Variants in NRXN1 observed in about 807,000 individuals in gnomAD.
NRXN1 encodes the protein neurexin-1.
A neutral mutation model predicts 150.9 loss-of-function variants in NRXN1; 39 were observed. The observed-to-expected ratio is 0.26, with a 90% CI of 0.20 to 0.34. The LOEUF (loss-of-function observed/expected upper bound fraction) is 0.34, where lower values mean the gene tolerates loss of function less well. Among genes scored for constraint, NRXN1 ranks in the 10% least tolerant of loss-of-function variants. NRXN1 has a pLI of 1.00. For synonymous variants in NRXN1, 924 were observed against 757.0 expected (o/e 1.22, Z -3.62); for missense variants, 1,815 against 1,949.9 (o/e 0.93, Z 1.30).
chr2:50,487,138 A>G (rs1349117140), intron 15 of NRXN1, among the ~76,000 whole-genome samples: 2 of 152,118 alleles, frequency 1.3e-5, no homozygotes, highest in Non-Finnish European at 1.5e-5. Context: ...AATTAAAGAG[A>G]AAATATATGT....
At chr2:50,186,830 A>G (rs995124893) in intron 18 of NRXN1, among the ~76,000 whole-genome samples, 4 of 152,074 alleles carry the variant, frequency 2.6e-5, no homozygotes, top group Admixed American at 6.6e-5. Context: ...AAGATACACA[A>G]TCTTTTAAAA....
intron 17 of NRXN1, among the ~76,000 whole-genome samples, chr2:50,462,624 T>C (rs866982118): frequency 1.3e-5 from 2 of 151,808 alleles, no homozygotes; most frequent in African/African-American, 4.8e-5. Flanking sequence ...CAATTGTTTT[T>C]GTCAGTGAGT....
chr2:50,276,167 T>C (rs1176401182), intron 17 of NRXN1, among the ~76,000 whole-genome samples: 1 of 152,088 alleles, frequency 6.6e-6, no homozygotes, highest in African/African-American at 2.4e-5. Context: ...GATGCTTCTT[T>C]TGATTCTAAG....
intron 8 of NRXN1, among the ~76,000 whole-genome samples, chr2:50,598,216 A>T (rs1350317854): frequency 2.0e-5 from 3 of 152,004 alleles, no homozygotes; most frequent in Non-Finnish European, 4.4e-5. Flanking sequence ...AATGAGTCCA[A>T]ATCAAAACTA....
At chr2:50,593,667 C>A (rs1423634315) in intron 8 of NRXN1, among the ~76,000 whole-genome samples, 2 of 152,086 alleles carry the variant, frequency 1.3e-5, no homozygotes, top group East Asian at 3.9e-4. Context: ...TTGTTGCTTG[C>A]AAAGGGGAAG....
intron 9 of NRXN1, among the ~76,000 whole-genome samples, chr2:50,544,321 C>G (rs888981649): frequency 4.6e-5 from 7 of 151,754 alleles, no homozygotes; most frequent in Admixed American, 2.0e-4. Flanking sequence ...AAAAAAGAAC[C>G]AACATATTAA....
At chr2:50,835,505 G>C (rs1671986800) in intron 5 of NRXN1, among the ~76,000 whole-genome samples, 1 of 152,058 alleles carries the variant, frequency 6.6e-6, no homozygotes, top group Non-Finnish European at 1.5e-5. Flanking sequence ...GCAAATTTTA[G>C]ATTAATCTTA....
intron 5 of NRXN1, among the ~76,000 whole-genome samples, chr2:50,818,002 G>A (rs764163598): frequency 1.3e-5 from 2 of 150,108 alleles, no homozygotes; most frequent in African/African-American, 4.9e-5. Context: ...CCCAGCTAGA[G>A]CAATGAAGTA....
chr2:50,163,164 G>GTATATATATATATATATATATATATA lies in NRXN1; in HGVS notation c.3547-71671_3547-71670insTATATATATATATATATATATATATA, dbSNP rs59163565. On this transcript the variant is annotated intron_variant, in intron 18 of 22. Transcript: ENST00000401669. ...AGTTATAGATCTATCAATCCAAAAT[G>GTATATATATATATATATATATATATA]TATATATATATATATATATATAAAA... is the stretch of plus-strand genomic sequence containing the variant. Among the ~76,000 whole-genome samples the GTATATATATATATATATATATATATA allele has an allele frequency of 1.0e-3, 147 of 141,668 alleles. 1 individual carries two copies. The highest frequency in any genetic ancestry group is 1.9e-3 in the Non-Finnish European group (122 of 64,960). 92.9% of individuals were successfully genotyped at this position (141,668 alleles called of 152,430 possible).
chr2:50,184,437 A>G (rs2060935260), intron 18 of NRXN1, among the ~76,000 whole-genome samples: 1 of 152,036 alleles, frequency 6.6e-6, no homozygotes, highest in South Asian at 2.1e-4. Flanking sequence ...AAAATACTTA[A>G]AGAGAGAGTA....
At chr2:50,554,632 T>A (rs937311391) in intron 8 of NRXN1, 1 of 152,174 alleles carries the variant, frequency 6.6e-6, no homozygotes, top group East Asian at 1.9e-4. Flanking sequence ...GTAAAATACA[T>A]GATAATAAAA....
chr2:50,601,645 T>C (rs1379396607), intron 8 of NRXN1, among the ~76,000 whole-genome samples: 2 of 152,196 alleles, frequency 1.3e-5, no homozygotes, highest in East Asian at 1.9e-4. Context: ...TGTAAGTTTT[T>C]CCTAACAATG....
intron 5 of NRXN1, among the ~76,000 whole-genome samples, chr2:50,698,946 C>T (rs748036206): frequency 6.6e-6 from 1 of 152,138 alleles, no homozygotes; most frequent in South Asian, 2.1e-4. Context: ...ACAAAAAGTT[C>T]TCTCTATATA....
intron 17 of NRXN1, among the ~76,000 whole-genome samples, chr2:50,465,013 G>C (rs933054846): frequency 3.3e-5 from 5 of 151,698 alleles, no homozygotes; most frequent in African/African-American, 7.3e-5. Flanking sequence ...AGGCAGCAAT[G>C]GGCTTAAAGA....
At chr2:50,987,741 A>G (rs778879533) in intron 2 of NRXN1, among the ~76,000 whole-genome samples, 1 of 151,970 alleles carries the variant, frequency 6.6e-6, no homozygotes, top group Non-Finnish European at 1.5e-5. Context: ...GAGCTTGTCC[A>G]TGAATCAATA....
intron 2 of NRXN1, among the ~76,000 whole-genome samples, chr2:51,007,887 A>G (rs1667268409): frequency 6.6e-6 from 1 of 151,970 alleles, no homozygotes; most frequent in Non-Finnish European, 1.5e-5. Flanking sequence ...ATATGATGAA[A>G]AAGTCATAAA....
In NRXN1 at chr2:49,920,166, G is replaced by A. The variant is rs1350017292; in HGVS notation, c.*1778C>T. On this transcript the variant is annotated 3_prime_UTR_variant, in exon 23 of 23. Coordinates refer to ENST00000401669, the MANE Select transcript of NRXN1 (RefSeq NM_001330078.2). ...TCTATACTTTTCCACTACTTAATGT[G>A]TTAAACTAAAACTATATTTAATGAT... The A allele has an allele frequency of 1.3e-5, 2 of 152,044 alleles. No individual in the cohort carries two copies. Among genetic ancestry groups the A allele is most frequent in the Non-Finnish European group, 2.9e-5 (2 of 67,992 alleles). The allele number at this position is 152,044 out of a possible 1,614,324, so 9.4% of individuals were successfully genotyped here.
chr2:49,984,924 T>G (rs570069794), intron 21 of NRXN1, among the ~76,000 whole-genome samples: 1 of 152,326 alleles, frequency 6.6e-6, no homozygotes, highest in South Asian at 2.1e-4. Context: ...AATCTGCCTA[T>G]TTGGGCATCC....
In NRXN1 at chr2:50,072,688, G is replaced by T. The variant is rs183140425; in HGVS notation, c.3719-17644C>A. 1.5e-3 allele frequency among the ~76,000 whole-genome samples: 232 copies of T among 150,422 alleles called. 1 individual carries two copies. The highest frequency in any genetic ancestry group is 2.7e-3 in the Non-Finnish European group (181 of 67,638). On this transcript the variant is annotated intron_variant, in intron 19 of 22. Transcript: ENST00000401669. ...AACTGAACGAATGTCTTACATTGTT[G>T]TGCTTTTTCTTTGGTGCTTATCACT...
Sources: gnomAD v4.1 joint callset for allele counts (sites outside exome capture counted in the v4.1 genomes callset) on GRCh38, gnomAD v4.1.1 for gene constraint, MANE v1.5 for transcripts, NCBI Gene and HGNC (gene_info 2026-07-23, HGNC 2026-07-21) for gene names.